Variants in GPSM2 observed in about 807,000 individuals in gnomAD.
GPSM2 encodes the protein G protein signaling modulator 2.
In GPSM2, 58 loss-of-function variants were observed where a neutral mutation model predicts 78.4. The ratio of observed to expected loss-of-function variants is 0.74; its 90% CI spans 0.60 to 0.92. The LOEUF is 0.92. Ranked by LOEUF, GPSM2 falls within the 40% of genes least tolerant of loss-of-function variation. The pLI is 0.00. For missense variants in GPSM2, 700 were observed against 815.5 expected (o/e 0.86, Z 1.73); for synonymous variants, 224 against 280.2 (o/e 0.80, Z 2.00).
At chr1:108,891,535 C>T (rs1392341323) in intron 2 of GPSM2, among the ~76,000 whole-genome samples, 1 of 152,084 alleles carries the variant, frequency 6.6e-6, no homozygotes, top group African/African-American at 2.4e-5. Flanking sequence ...GGCTCTGTCA[C>T]CCATGCTGGA....
At position 108,932,328 on chromosome 1, in the gene GPSM2, T is replaced by G. The variant is rs533105066; in HGVS notation, c.*2388T>G. The G allele has an allele frequency of 1.3e-5, 2 of 152,284 alleles. No individual in the cohort carries two copies. The highest frequency in any genetic ancestry group is 3.9e-4 in the East Asian group (2 of 5,182). 9.4% of individuals were successfully genotyped at this position (152,284 alleles called of 1,614,324 possible). A position where few individuals can be genotyped will look rare whatever the true frequency, so the allele number is the denominator to read the frequency against. On this transcript the variant is annotated 3_prime_UTR_variant, in exon 15 of 15. Coordinates refer to ENST00000264126, the MANE Select transcript of GPSM2 (RefSeq NM_013296.5). ...TATAAACCTTAATTTTAATGACATA[T>G]TGGCTAGTCAATAAACAAGTCTTAT...
chr1:108,889,834 G>C (rs561913836), intron 2 of GPSM2, among the ~76,000 whole-genome samples: 34 of 151,454 alleles, frequency 2.2e-4, no homozygotes, highest in Non-Finnish European at 4.6e-4. Flanking sequence ...CTAGTCACCC[G>C]GCCAAGCTGA....
rs752734776 is a variant in GPSM2 at position 108,924,140 on chromosome 1, G to T, written c.1741G>T (p.Val581Leu). ...GLRLTQNSQSVLSHLMTNDNK... is the reference protein window; with the variant it reads ...GLRLTQNSQSLLSHLMTNDNK... ...TCGTCTAACACAAAACAGCCAGTCGGTACTTAGCCACCTGATGACTAATGA... is the reference window on the plus strand; with the variant it reads ...TCGTCTAACACAAAACAGCCAGTCGTTACTTAGCCACCTGATGACTAATGA... Residue 581 changes from valine to leucine, a missense_variant, in exon 14 of 15, where the codon GTA (valine) becomes TTA (leucine). Coordinates refer to ENST00000264126, the MANE Select transcript of GPSM2 (RefSeq NM_013296.5). 1 of 1,613,892 alleles carries T rather than the reference G, an allele frequency of 6.2e-7. No homozygotes were observed. The highest frequency in any genetic ancestry group is 1.1e-5 in the South Asian group (1 of 91,082).
At chr1:108,901,660 T>C in intron 7 of GPSM2, 130 bp from the exon 8 acceptor site, 2 of 753,266 alleles carry the variant, frequency 2.7e-6, no homozygotes, top group South Asian at 1.5e-5. Flanking sequence ...GTACGGGATA[T>C]GAATATTAGG....
At chr1:108,917,373 C>T (rs368753813) in intron 11 of GPSM2, among the ~76,000 whole-genome samples, 54 of 151,532 alleles carry the variant, frequency 3.6e-4, no homozygotes, top group African/African-American at 1.3e-3. Context: ...CGAGACCATC[C>T]TGGCCAACAT....
intron 7 of GPSM2, 151 bp from the exon 8 acceptor site, chr1:108,901,639 T>G (rs1648830748): frequency 1.5e-6 from 1 of 660,326 alleles, no homozygotes; most frequent in Non-Finnish European, 2.7e-6. Flanking sequence ...TGTCTAAAAG[T>G]AATGGAGAAA....
chr1:108,918,820 G>A (rs1310115855), intron 12 of GPSM2, 31 bp downstream of exon 12: 1 of 1,468,314 alleles, frequency 6.8e-7, no homozygotes, highest in African/African-American at 1.4e-5. Flanking sequence ...TGAGTATTGT[G>A]TTTTGAGTAC....
chr1:108,883,498 C>A (rs1358406259), intron 1 of GPSM2, among the ~76,000 whole-genome samples: 1 of 152,162 alleles, frequency 6.6e-6, no homozygotes, highest in Non-Finnish European at 1.5e-5. Context: ...GCTTTATGAC[C>A]TATGTAGGAA....
chr1:108,906,194 A>G (rs1649203691), intron 10 of GPSM2, among the ~76,000 whole-genome samples: 1 of 152,144 alleles, frequency 6.6e-6, no homozygotes, highest in Admixed American at 6.5e-5. Flanking sequence ...TAATCAGGCC[A>G]AAAAACTAGG....
At chr1:108,883,151 T>C (rs1647254055) in intron 1 of GPSM2, among the ~76,000 whole-genome samples, 1 of 152,230 alleles carries the variant, frequency 6.6e-6, no homozygotes, top group Non-Finnish European at 1.5e-5. Context: ...ATTTTGTGTT[T>C]CTTGCAGGCT....
intron 1 of GPSM2, among the ~76,000 whole-genome samples, chr1:108,882,840 A>G (rs1043873340): frequency 6.6e-6 from 1 of 152,168 alleles, no homozygotes; most frequent in Admixed American, 6.5e-5. Context: ...ACAAAAGGAA[A>G]AGAGATTTGA....
rs1557886875 is a variant in GPSM2, at chr1:108,931,324, A to C, written c.*1384A>C. On this transcript the variant is annotated 3_prime_UTR_variant, in exon 15 of 15. Coordinates refer to ENST00000264126, the MANE Select transcript of GPSM2 (RefSeq NM_013296.5). Reference sequence around the variant, plus strand: ...CTTCCTTATCCCAGATATTGAAGGCAGTTTACAAGGGGATGATAACAAAGT... The same window carrying C: ...CTTCCTTATCCCAGATATTGAAGGCCGTTTACAAGGGGATGATAACAAAGT... 1 of 1,548,064 alleles carries C rather than the reference A, an allele frequency of 6.5e-7. No homozygotes were observed. The highest frequency in any genetic ancestry group is 8.7e-7 in the Non-Finnish European group (1 of 1,145,410).
rs570759161 is a variant in GPSM2 at position 108,884,554 on chromosome 1, C to T, written c.-248-721C>T. Reference sequence around the variant, plus strand: ...TCTTATTTAGGACTATACTGACATTCGTGTTAAAGTTGTAAAGACAAGCAA... The same window carrying T: ...TCTTATTTAGGACTATACTGACATTTGTGTTAAAGTTGTAAAGACAAGCAA... On this transcript the variant is annotated intron_variant, in intron 1 of 14. Coordinates refer to ENST00000264126, the MANE Select transcript of GPSM2 (RefSeq NM_013296.5). 7.2e-5 allele frequency among the ~76,000 whole-genome samples: 11 copies of T among 152,220 alleles called. No individual in the cohort carries two copies. In the East Asian group the frequency reaches 1.5e-3, roughly 21 times the overall value.
intron 1 of GPSM2, among the ~76,000 whole-genome samples, chr1:108,878,449 C>G (rs1271908786): frequency 6.6e-6 from 1 of 152,116 alleles, no homozygotes; most frequent in African/African-American, 2.4e-5. Flanking sequence ...GCCAGATAAG[C>G]AGTTTAATTG....
Position 108,930,239 on chromosome 1 carries a change from T to C in GPSM2, c.*299T>C, listed in dbSNP as rs1029358720. On this transcript the variant is annotated 3_prime_UTR_variant, in exon 15 of 15. Transcript: ENST00000264126. Reference sequence around the variant, plus strand: ...ATAAAGTAGGAAGTTAAGTGAATCATAGATTAGAATTTAATACTCTTATGG... The same window carrying C: ...ATAAAGTAGGAAGTTAAGTGAATCACAGATTAGAATTTAATACTCTTATGG... The C allele has an allele frequency of 2.7e-5, 8 of 296,150 alleles. No homozygotes were observed. The highest frequency in any genetic ancestry group is 6.3e-5 in the East Asian group (1 of 15,768). 18.3% of individuals were successfully genotyped at this position (296,150 alleles called of 1,614,324 possible). A position where few individuals can be genotyped will look rare whatever the true frequency, so the allele number is the denominator to read the frequency against.
rs751907325 is a variant in GPSM2, at chr1:108,898,879, C to T, written c.682C>T (p.Arg228Cys). ...FRDAVIAHEQ[R>C]LLIAKEFGDK... Reference sequence around the variant, plus strand: ...ATCTAATTAAAATTGTTTGTTTCAGCGTCTCCTTATTGCAAAAGAATTTGG... The same window carrying T: ...ATCTAATTAAAATTGTTTGTTTCAGTGTCTCCTTATTGCAAAAGAATTTGG... The change falls in exon 7 of 15, where the codon CGT (arginine) becomes TGT (cysteine). Residue 228 changes from arginine to cysteine, a missense_variant and splice_region_variant. By Grantham distance (180) the Arg-to-Cys change is radical. Transcript: ENST00000264126. 9 of 1,605,844 alleles carry T rather than the reference C, an allele frequency of 5.6e-6. No individual in the cohort carries two copies. The highest frequency in any genetic ancestry group is 4.4e-5 in the South Asian group (4 of 90,908).
chr1:108,897,115 C>T, intron 3 of GPSM2, 30 bp downstream of exon 3: 1 of 1,447,566 alleles, frequency 6.9e-7, no homozygotes, highest in Non-Finnish European at 9.7e-7. Flanking sequence ...AAATATTCTT[C>T]CTTCTGAAAT....
At chr1:108,902,184 T>C (rs181531433) in intron 8 of GPSM2, among the ~76,000 whole-genome samples, 1 of 152,078 alleles carries the variant, frequency 6.6e-6, no homozygotes, top group East Asian at 1.9e-4. Flanking sequence ...CAATTACCTC[T>C]TCAGAAGTCT....
At position 108,930,593 on chromosome 1, in the gene GPSM2, A is replaced by AAAAAT. The variant is rs1320058061; in HGVS notation, c.*657_*661dup. The AAAAAT allele has an allele frequency of 6.6e-6, 1 of 151,814 alleles. No homozygotes were observed. Among genetic ancestry groups the AAAAAT allele is most frequent in the African/African-American group, 2.4e-5 (1 of 41,156 alleles). 9.4% of individuals were successfully genotyped at this position (151,814 alleles called of 1,614,324 possible). A position where few individuals can be genotyped will look rare whatever the true frequency, so the allele number is the denominator to read the frequency against. On this transcript the variant is annotated 3_prime_UTR_variant, in exon 15 of 15. Transcript: ENST00000264126. ...GGCAACATAGACCCCCGTGTCTATG[A>AAAAAT]AAAATAAATCAGCAGCCAGGCGCAG...
Sources: gnomAD v4.1 joint callset for allele counts (sites outside exome capture counted in the v4.1 genomes callset) on GRCh38, gnomAD v4.1.1 for gene constraint, MANE v1.5 for transcripts, NCBI Gene and HGNC (gene_info 2026-07-23, HGNC 2026-07-21) for gene names.